KCTD8: variants seen among roughly 807,000 people sequenced by gnomAD.
KCTD8 encodes the protein BTB/POZ domain-containing protein KCTD8.
In KCTD8, 27 loss-of-function variants were observed where a neutral mutation model predicts 31.5. That is an observed-to-expected ratio of 0.86 (90% CI 0.63 to 1.18). The LOEUF is 1.18. KCTD8 is among the 50% of genes most tolerant of loss of function. The pLI is 0.00. For missense variants in KCTD8, 658 were observed against 647.7 expected (o/e 1.02, Z -0.17); for synonymous variants, 290 against 280.0 (o/e 1.04, Z -0.36).
intron 1 of KCTD8, among the ~76,000 whole-genome samples, chr4:44,442,190 A>T (rs902327960): frequency 1.3e-5 from 2 of 152,118 alleles, no homozygotes; most frequent in African/African-American, 4.8e-5. Flanking sequence ...TTTTTAACAA[A>T]AGTCCCTAAA....
intron 1 of KCTD8, among the ~76,000 whole-genome samples, chr4:44,179,110 A>T (rs1013959452): frequency 2.6e-5 from 4 of 151,592 alleles, no homozygotes; most frequent in African/African-American, 7.3e-5. Context: ...ACTAAGATGC[A>T]CTCCATACCA....
intron 1 of KCTD8, among the ~76,000 whole-genome samples, chr4:44,328,458 G>A (rs576350111): frequency 2.6e-5 from 4 of 151,868 alleles, no homozygotes; most frequent in South Asian, 4.1e-4. Context: ...TATACACTTC[G>A]CCAATCCCAA....
At chr4:44,386,235 A>G (rs542400637) in intron 1 of KCTD8, among the ~76,000 whole-genome samples, 1 of 151,678 alleles carries the variant, frequency 6.6e-6, no homozygotes, top group East Asian at 1.9e-4. Context: ...TTTCTAAGAG[A>G]TATTTCTACA....
chr4:44,342,658 A>C (rs1718933441), intron 1 of KCTD8, among the ~76,000 whole-genome samples: 1 of 152,224 alleles, frequency 6.6e-6, no homozygotes, highest in African/African-American at 2.4e-5. Flanking sequence ...CTTCCTAGCT[A>C]TGAAACTCCT....
chr4:44,298,307 T>C (rs1717501529), intron 1 of KCTD8, among the ~76,000 whole-genome samples: 1 of 152,152 alleles, frequency 6.6e-6, no homozygotes, highest in Non-Finnish European at 1.5e-5. Context: ...AGATGATATG[T>C]TTCAGTTACA....
In KCTD8 at chr4:44,239,212, C is replaced by T. The variant is rs144279160; in HGVS notation, c.962-63962G>A. Among the ~76,000 whole-genome samples, 1,314 of 152,254 alleles carry T rather than the reference C, an allele frequency of 8.6e-3. 16 individuals are homozygous for T. The highest frequency in any genetic ancestry group is 0.029 in the African/African-American group (1,220 of 41,544). ...AAGATAGTCTTAGTCTATCCTGATG[C>T]TGTAAAATTTCAAAGAAAATTTTGA... On this transcript the variant is annotated intron_variant, in intron 1 of 1. Coordinates refer to ENST00000360029, the MANE Select transcript of KCTD8 (RefSeq NM_198353.3).
intron 1 of KCTD8, among the ~76,000 whole-genome samples, chr4:44,281,098 G>C (rs1716892466): frequency 1.4e-5 from 2 of 144,460 alleles, no homozygotes; most frequent in African/African-American, 5.2e-5. Flanking sequence ...TGCTGAAAGT[G>C]GTATGACTTA....
At position 44,317,503 on chromosome 4, in the gene KCTD8, T is replaced by G. The variant is rs913965635; in HGVS notation, c.961+130060A>C. 6.4e-5 allele frequency among the ~76,000 whole-genome samples: 9 copies of G among 140,726 alleles called. No individual in the cohort carries two copies. The East Asian group carries it at 1.8e-3, about 27-fold the overall frequency. The allele number at this position is 140,726 out of a possible 152,430, so 92.3% of individuals were successfully genotyped here. On this transcript the variant is annotated intron_variant, in intron 1 of 1. Coordinates refer to ENST00000360029, the MANE Select transcript of KCTD8 (RefSeq NM_198353.3). ...ATCCACCCGCCTCGGCCTCCCAAAG[T>G]GCTGGGATTACAGGCGTGAGCCACC...
intron 1 of KCTD8, among the ~76,000 whole-genome samples, chr4:44,447,094 G>A (rs1479518563): frequency 1.3e-5 from 2 of 152,202 alleles, no homozygotes; most frequent in African/African-American, 4.8e-5. Context: ...TGATCCAGGT[G>A]GTGCGAGGCG....
chr4:44,443,453 T>A (rs1303630256), intron 1 of KCTD8, among the ~76,000 whole-genome samples: 4 of 152,222 alleles, frequency 2.6e-5, no homozygotes, highest in Admixed American at 2.6e-4. Context: ...TCAACTCAAC[T>A]AGTTTTCTTC....
At chr4:44,354,455 C>A (rs1009917290) in intron 1 of KCTD8, among the ~76,000 whole-genome samples, 1 of 152,128 alleles carries the variant, frequency 6.6e-6, no homozygotes, top group Non-Finnish European at 1.5e-5. Context: ...CCTTCATTTT[C>A]AGAGGCTTAC....
At chr4:44,196,855 C>T (rs1343982958) in intron 1 of KCTD8, among the ~76,000 whole-genome samples, 1 of 152,188 alleles carries the variant, frequency 6.6e-6, no homozygotes, top group Non-Finnish European at 1.5e-5. Context: ...GGGAATCCCA[C>T]AGGTCTGGAT....
At chr4:44,185,152 C>T (rs1313383879) in intron 1 of KCTD8, among the ~76,000 whole-genome samples, 1 of 152,150 alleles carries the variant, frequency 6.6e-6, no homozygotes, top group Non-Finnish European at 1.5e-5. Flanking sequence ...CTTCCTATGA[C>T]TCAGTTATTT....
chr4:44,429,091 A>C (rs968088670), intron 1 of KCTD8, among the ~76,000 whole-genome samples: 2 of 151,800 alleles, frequency 1.3e-5, no homozygotes, highest in Non-Finnish European at 2.9e-5. Context: ...CCAGTATCTA[A>C]ATGGTAGGTA....
intron 1 of KCTD8, among the ~76,000 whole-genome samples, chr4:44,302,869 T>G (rs1577603823): frequency 6.6e-6 from 1 of 152,212 alleles, no homozygotes; most frequent in African/African-American, 2.4e-5. Flanking sequence ...CCTAGATAGC[T>G]CTTATTATTT....
At chr4:44,362,820 CA>C (rs924828161) in intron 1 of KCTD8, among the ~76,000 whole-genome samples, 15 of 145,426 alleles carry the variant, frequency 1.0e-4, no homozygotes, top group Admixed American at 2.7e-4. Flanking sequence ...CATTTAGGAC[CA>C]AAAAAAAATT....
chr4:44,412,463 T>C (rs1322660388), intron 1 of KCTD8, among the ~76,000 whole-genome samples: 1 of 152,190 alleles, frequency 6.6e-6, no homozygotes, highest in Admixed American at 6.6e-5. Context: ...TGGAATATAG[T>C]TTCCCCAATT....
chr4:44,338,872 A>T (rs1718822592), intron 1 of KCTD8, among the ~76,000 whole-genome samples: 1 of 152,156 alleles, frequency 6.6e-6, no homozygotes, highest in African/African-American at 2.4e-5. Context: ...ATTTTAATAG[A>T]AAAAAGCTCT....
At chr4:44,335,179 C>G (rs1718692503) in intron 1 of KCTD8, among the ~76,000 whole-genome samples, 1 of 151,830 alleles carries the variant, frequency 6.6e-6, no homozygotes, top group Admixed American at 6.6e-5. Flanking sequence ...TATATTCTAA[C>G]AAAGTTGATC....
Sources: gnomAD v4.1 joint callset for allele counts (sites outside exome capture counted in the v4.1 genomes callset) on GRCh38, gnomAD v4.1.1 for gene constraint, MANE v1.5 for transcripts, NCBI Gene and HGNC (gene_info 2026-07-23, HGNC 2026-07-21) for gene names.